The following SV2C variants were observed in gnomAD, a reference collection of about 807,000 sequenced individuals.
SV2C encodes synaptic vesicle glycoprotein 2C.
SV2C carries 49 observed loss-of-function variants against 79.7 expected under a neutral mutation model. That is an observed-to-expected ratio of 0.61 (90% CI 0.49 to 0.78). SV2C has a LOEUF of 0.78. Ranked by LOEUF, SV2C falls within the 30% of genes least tolerant of loss-of-function variation. SV2C has a pLI of 0.00. For missense variants in SV2C, 833 were observed against 912.9 expected (o/e 0.91, Z 1.13); for synonymous variants, 334 against 333.2 (o/e 1.00, Z -0.03).
At chr5:76,123,621 A>G (rs1748609719) in intron 1 of SV2C, among the ~76,000 whole-genome samples, 1 of 152,240 alleles carries the variant, frequency 6.6e-6, no homozygotes, top group African/African-American at 2.4e-5. Context: ...AACCACAGAC[A>G]AAAACCACAT....
chr5:75,865,807 T>C, the SV2C span, among the ~76,000 whole-genome samples: 1 of 152,220 alleles, frequency 6.6e-6, no homozygotes, highest in Admixed American at 6.5e-5. Context: ...GCATCTTCTA[T>C]GGAAGAGGCC....
the SV2C span, among the ~76,000 whole-genome samples, chr5:75,993,936 A>G: frequency 6.6e-6 from 1 of 152,246 alleles, no homozygotes; most frequent in South Asian, 2.1e-4. Flanking sequence ...TGGAAAGCAC[A>G]AAGAATTTTT....
At chr5:76,219,348 G>A (rs1226779647) in intron 4 of SV2C, among the ~76,000 whole-genome samples, 2 of 152,282 alleles carry the variant, frequency 1.3e-5, no homozygotes, top group South Asian at 2.1e-4. Flanking sequence ...CTTGGCTTCC[G>A]ATTTCCTTCA....
chr5:76,348,525 C>G (rs567586245), intron 12 of SV2C, among the ~76,000 whole-genome samples: 3 of 152,218 alleles, frequency 2.0e-5, no homozygotes, highest in African/African-American at 7.2e-5. Context: ...ACTTCCAAAG[C>G]TGTACCATTT....
the SV2C span, among the ~76,000 whole-genome samples, chr5:75,891,303 T>C: frequency 6.6e-6 from 1 of 152,232 alleles, no homozygotes; most frequent in South Asian, 2.1e-4. Context: ...TACTTTTGTC[T>C]ATCATGTGAG....
the SV2C span, among the ~76,000 whole-genome samples, chr5:76,048,769 C>A: frequency 1.4e-3 from 193 of 142,656 alleles, no homozygotes; most frequent in Non-Finnish European, 1.8e-3. Context: ...GGAGAAATCT[C>A]AAGAGAAATC....
At chr5:76,291,382 G>A (rs373397443) in intron 7 of SV2C, 51 bp downstream of exon 7, 8 of 1,473,492 alleles carry the variant, frequency 5.4e-6, no homozygotes, top group Non-Finnish European at 7.4e-6. Context: ...TGCATTTGAG[G>A]TTAGTCAGAA....
chr5:76,174,001 C>A (rs372418635), intron 2 of SV2C: 1 of 1,566,364 alleles, frequency 6.4e-7, no homozygotes, highest in African/African-American at 1.4e-5. Context: ...TAAATTGCTC[C>A]GTTCCTGCAG....
At chr5:75,953,417 TATTTC>T in the SV2C span, among the ~76,000 whole-genome samples, 1 of 152,020 alleles carries the variant, frequency 6.6e-6, no homozygotes, top group Non-Finnish European at 1.5e-5. Flanking sequence ...CAAAAATACC[TATTTC>T]ATTTTTCATA....
At chr5:75,968,801 T>C in the SV2C span, among the ~76,000 whole-genome samples, 2 of 152,136 alleles carry the variant, frequency 1.3e-5, no homozygotes, top group Non-Finnish European at 2.9e-5. Flanking sequence ...TAGGCCAACA[T>C]TCAGATTCAG....
At chr5:75,935,130 A>G in the SV2C span, among the ~76,000 whole-genome samples, 1 of 152,206 alleles carries the variant, frequency 6.6e-6, no homozygotes. Flanking sequence ...ATTTTCCAAT[A>G]TGAAGTTATG....
intron 4 of SV2C, among the ~76,000 whole-genome samples, chr5:76,232,865 G>A (rs1408697545): frequency 7.0e-6 from 1 of 143,598 alleles, no homozygotes; most frequent in East Asian, 1.9e-4. Context: ...TTTGAAGTCA[G>A]GTATTGTGAT....
chr5:76,135,834 G>T (rs1257041198), intron 2 of SV2C, among the ~76,000 whole-genome samples: 1 of 152,044 alleles, frequency 6.6e-6, no homozygotes, highest in East Asian at 1.9e-4. Flanking sequence ...AGGGGGGCAG[G>T]TATGGTTCTA....
intron 4 of SV2C, among the ~76,000 whole-genome samples, chr5:76,279,534 G>T (rs1747119584): frequency 6.6e-6 from 1 of 152,202 alleles, no homozygotes; most frequent in Admixed American, 6.5e-5. Context: ...ACAGTGGAAT[G>T]GACAGCTATA....
At chr5:75,866,849 G>A in the SV2C span, among the ~76,000 whole-genome samples, 1 of 152,206 alleles carries the variant, frequency 6.6e-6, no homozygotes, top group Non-Finnish European at 1.5e-5. Context: ...AAATAAGACA[G>A]TGAGTCATTA....
chr5:76,312,244 AGG>A (rs932664613), intron 12 of SV2C, among the ~76,000 whole-genome samples: 3 of 145,206 alleles, frequency 2.1e-5, no homozygotes, highest in African/African-American at 2.6e-5. Context: ...CTTATGGCTC[AGG>A]GGCCACTTTT....
chr5:75,948,967 G>T, the SV2C span, among the ~76,000 whole-genome samples: 1 of 151,924 alleles, frequency 6.6e-6, no homozygotes, highest in African/African-American at 2.4e-5. Context: ...ATGTTGCATT[G>T]TAATCCCCAG....
At chr5:76,120,166 C>A (rs1330735800) in intron 1 of SV2C, among the ~76,000 whole-genome samples, 1 of 152,056 alleles carries the variant, frequency 6.6e-6, no homozygotes, top group African/African-American at 2.4e-5. Flanking sequence ...TAAAAAGAAT[C>A]TACCAGCACA....
At chr5:76,057,850 G>A in the SV2C span, among the ~76,000 whole-genome samples, 12 of 152,198 alleles carry the variant, frequency 7.9e-5, no homozygotes, top group East Asian at 1.4e-3. Context: ...TGGCCAACCT[G>A]AAAAATTATG....
Sources: allele counts gnomAD v4.1 joint callset (sites outside exome capture counted in the v4.1 genomes callset), GRCh38; gene constraint gnomAD v4.1.1; transcripts MANE v1.5; gene names NCBI Gene and HGNC (gene_info 2026-07-23, HGNC 2026-07-21).